Variants in ROBO1 observed in about 807,000 individuals in gnomAD.
ROBO1 encodes the protein roundabout homolog 1.
In ROBO1, 149 loss-of-function variants were observed where a neutral mutation model predicts 195.9. The observed-to-expected ratio is 0.76, with a 90% CI of 0.67 to 0.87. The LOEUF (loss-of-function observed/expected upper bound fraction) is 0.87. Ranked by LOEUF, ROBO1 falls within the 40% of genes least tolerant of loss-of-function variation. The probability of loss-of-function intolerance (pLI) is 0.00; values close to 1 mark genes in which losing one functional copy is unlikely to be tolerated. For missense variants in ROBO1, 1,933 were observed against 2,068.3 expected, an observed-to-expected ratio of 0.93 and a Z score of 1.27; for synonymous variants, 816 against 733.2, an observed-to-expected ratio of 1.11 and a Z score of -1.82.
intron 5 of ROBO1, among the ~76,000 whole-genome samples, chr3:78,734,833 T>C (rs2082359264): frequency 6.6e-6 from 1 of 152,102 alleles, no homozygotes; most frequent in Non-Finnish European, 1.5e-5. Context: ...AACTAGAAAA[T>C]ATTTTGTCTG....
chr3:79,207,566 G>A (rs927354582), intron 2 of ROBO1, among the ~76,000 whole-genome samples: 1 of 152,106 alleles, frequency 6.6e-6, no homozygotes. Flanking sequence ...AATAGTGAGA[G>A]CTTGATTTTT....
Position 79,369,164 on chromosome 3 carries a change from C to T in ROBO1, c.88+220660G>A, listed in dbSNP as rs540309147. Among the ~76,000 whole-genome samples the T allele has an allele frequency of 2.6e-5, 4 of 152,156 alleles. No homozygotes were observed. The East Asian group carries it at 7.7e-4, about 29-fold the overall frequency. ...ATCATCAAAATGAACAATCTTAAAC[C>T]AGTAGGACTGGTGAATTTTAAGACA... On this transcript the variant is annotated intron_variant, in intron 2 of 30. Transcript: ENST00000464233.
chr3:79,030,481 A>G (rs2078275159), intron 3 of ROBO1, among the ~76,000 whole-genome samples: 1 of 152,218 alleles, frequency 6.6e-6, no homozygotes, highest in Non-Finnish European at 1.5e-5. Context: ...TGTAAGGATT[A>G]TATAAGATGG....
At chr3:79,390,856 C>G (rs1052239363) in intron 2 of ROBO1, among the ~76,000 whole-genome samples, 5 of 152,018 alleles carry the variant, frequency 3.3e-5, no homozygotes, top group Non-Finnish European at 5.9e-5. Flanking sequence ...TGGGCATGAA[C>G]AGGGAATGAA....
chr3:78,943,675 TTTTTTA>T (rs1407588560), intron 3 of ROBO1, among the ~76,000 whole-genome samples: 1 of 152,192 alleles, frequency 6.6e-6, no homozygotes, highest in Non-Finnish European at 1.5e-5. Flanking sequence ...CACTGAACTC[TTTTTTA>T]TTTTTATTTT....
At chr3:79,185,610 G>A (rs1363656565) in intron 2 of ROBO1, among the ~76,000 whole-genome samples, 2 of 152,046 alleles carry the variant, frequency 1.3e-5, no homozygotes, top group African/African-American at 2.4e-5. Context: ...TGTCTCCAGG[G>A]TACTTGTTTA....
chr3:78,886,463 G>A (rs540379527), intron 4 of ROBO1, among the ~76,000 whole-genome samples: 48 of 152,048 alleles, frequency 3.2e-4, no homozygotes, highest in East Asian at 1.2e-3. Context: ...GTGTGTTGGC[G>A]CATGCCTGTA....
At chr3:79,022,825 T>A (rs1228376533) in intron 3 of ROBO1, among the ~76,000 whole-genome samples, 1 of 152,170 alleles carries the variant, frequency 6.6e-6, no homozygotes, top group Non-Finnish European at 1.5e-5. Flanking sequence ...CCCCTGAGAA[T>A]TCTGAAGAAA....
intron 4 of ROBO1, among the ~76,000 whole-genome samples, chr3:78,848,069 T>G (rs2033787521): frequency 6.6e-6 from 1 of 152,182 alleles, no homozygotes; most frequent in African/African-American, 2.4e-5. Flanking sequence ...CACTGTTACT[T>G]TTTTGAAAAC....
At chr3:78,828,617 C>A (rs72894482) in intron 4 of ROBO1, among the ~76,000 whole-genome samples, 4,621 of 152,222 alleles carry the variant, frequency 0.03, 190 homozygotes, top group African/African-American at 0.095. Flanking sequence ...AGTACACAAT[C>A]TCATAATTTT....
chr3:79,680,359 A>G (rs1243264814), intron 1 of ROBO1, among the ~76,000 whole-genome samples: 1 of 152,052 alleles, frequency 6.6e-6, no homozygotes, highest in Admixed American at 6.6e-5. Flanking sequence ...CTTTAACAGG[A>G]AGAATGTCAA....
chr3:79,352,673 C>T (rs576497702), intron 2 of ROBO1, among the ~76,000 whole-genome samples: 4 of 152,252 alleles, frequency 2.6e-5, no homozygotes, highest in East Asian at 3.9e-4. Context: ...TCCACCCAGC[C>T]GCCTTCTTTA....
chr3:79,743,661 C>T (rs1457338444), intron 1 of ROBO1, among the ~76,000 whole-genome samples: 1 of 152,218 alleles, frequency 6.6e-6, no homozygotes, highest in South Asian at 2.1e-4. Flanking sequence ...TAAACACACA[C>T]ATTCTACAGC....
intron 18 of ROBO1, among the ~76,000 whole-genome samples, chr3:78,653,817 A>G (rs1706826648): frequency 1.3e-5 from 2 of 152,158 alleles, no homozygotes; most frequent in South Asian, 2.1e-4. Context: ...TGTGAGGGAC[A>G]CCTGGTCATG....
At chr3:79,728,828 A>G (rs527853996) in intron 1 of ROBO1, among the ~76,000 whole-genome samples, 1 of 152,250 alleles carries the variant, frequency 6.6e-6, no homozygotes, top group Admixed American at 6.5e-5. Flanking sequence ...TCATATAGCA[A>G]GTTCTCTTCC....
chr3:79,084,520 G>C (rs918441241), intron 3 of ROBO1, among the ~76,000 whole-genome samples: 3 of 152,052 alleles, frequency 2.0e-5, no homozygotes, highest in Non-Finnish European at 4.4e-5. Flanking sequence ...TAATAAAACA[G>C]ATCGGATTGT....
intron 2 of ROBO1, among the ~76,000 whole-genome samples, chr3:79,467,498 G>A (rs1284311567): frequency 6.6e-6 from 1 of 151,546 alleles, no homozygotes; most frequent in South Asian, 2.1e-4. Context: ...CAGAAGGGAG[G>A]CATGATAGAG....
At chr3:79,150,444 T>G (rs1042773489) in intron 2 of ROBO1, among the ~76,000 whole-genome samples, 1 of 151,784 alleles carries the variant, frequency 6.6e-6, no homozygotes, top group African/African-American at 2.4e-5. Flanking sequence ...GTGTTTCAGC[T>G]ACATGTAATA....
At chr3:79,443,244 G>T (rs4524244) in intron 2 of ROBO1, among the ~76,000 whole-genome samples, 97,386 of 151,970 alleles carry the variant, frequency 0.64, 31,996 homozygotes, top group African/African-American at 0.79. Flanking sequence ...AAGCAACCAA[G>T]GGATAAGCCT....
Sources: allele counts gnomAD v4.1 joint callset (sites outside exome capture counted in the v4.1 genomes callset), GRCh38; gene constraint gnomAD v4.1.1; transcripts MANE v1.5; gene names NCBI Gene and HGNC (gene_info 2026-07-23, HGNC 2026-07-21).